CDK18: variants seen among roughly 807,000 people sequenced by gnomAD.
CDK18 encodes the protein cyclin-dependent kinase 18.
A neutral mutation model predicts 62.0 loss-of-function variants in CDK18; 52 were observed. The ratio of observed to expected loss-of-function variants is 0.84; its 90% confidence interval spans 0.67 to 1.06. The LOEUF (loss-of-function observed/expected upper bound fraction) is 1.06. Among genes scored for constraint, CDK18 ranks in the 50% least tolerant of loss-of-function variants. The probability of loss-of-function intolerance (pLI) is 0.00; values close to 1 mark genes in which losing one functional copy is unlikely to be tolerated. For synonymous variants in CDK18, 237 were observed against 247.0 expected (o/e 0.96, Z 0.38); for missense variants, 604 against 619.9 (o/e 0.97, Z 0.27).
intron 1 of CDK18, among the ~76,000 whole-genome samples, chr1:205,506,969 A>G (rs1015096597): frequency 6.6e-6 from 1 of 152,098 alleles, no homozygotes; most frequent in Non-Finnish European, 1.5e-5. Context: ...TTCAGGGTGC[A>G]TTTGCTTCCT....
intron 1 of CDK18, among the ~76,000 whole-genome samples, chr1:205,513,367 G>A (rs1379216494): frequency 2.0e-5 from 3 of 152,194 alleles, no homozygotes; most frequent in East Asian, 1.9e-4. Flanking sequence ...TGTTCTGTAC[G>A]CCCAGGACCA....
In CDK18 at chr1:205,523,173, C is replaced by A; in HGVS notation, c.6C>A (p.Ile2=). 1 of 1,609,840 alleles carries A rather than the reference C, an allele frequency of 6.2e-7. No individual in the cohort carries two copies. Among genetic ancestry groups the A allele is most frequent in the Non-Finnish European group, 8.5e-7 (1 of 1,177,550 alleles). ...ACCCGGCTGCCCAGTCCCTCATGATCATGAACAAGATGAAGAACTTTAAGC... is the reference window on the plus strand; with the variant it reads ...ACCCGGCTGCCCAGTCCCTCATGATAATGAACAAGATGAAGAACTTTAAGC... The part of the protein sequence containing the change: M[I]MNKMKNFKRR... The change falls in exon 2 of 16, where the codon ATC becomes ATA. Residue 2 remains isoleucine, a synonymous_variant. Transcript: ENST00000429964.
chr1:205,527,336 G>A lies in CDK18; in HGVS notation c.730-458G>A, dbSNP rs949672280. 5 of 210,882 alleles carry A rather than the reference G, an allele frequency of 2.4e-5. No individual in the cohort carries two copies. The highest frequency in any genetic ancestry group is 8.2e-5 in the South Asian group (1 of 12,238). The allele number at this position is 210,882 out of a possible 1,614,324, so 13.1% of individuals were successfully genotyped here. ...TCTACTAAAAATTGAAAAATTAGCC[G>A]GGCACAGTAGCGTGCACCCATAGTC... On this transcript the variant is annotated intron_variant, in intron 8 of 15. Transcript: ENST00000429964. This position sits in a 1 kb window ranked among gnomAD's most constrained non-coding sequence, Gnocchi z 4.1.
At chr1:205,505,671 G>A (rs1026587940) in intron 1 of CDK18, among the ~76,000 whole-genome samples, 1 of 152,178 alleles carries the variant, frequency 6.6e-6, no homozygotes, top group African/African-American at 2.4e-5. Flanking sequence ...TGTGGGGGGC[G>A]GGGATTCCCT....
intron 1 of CDK18, among the ~76,000 whole-genome samples, chr1:205,508,131 G>A (rs1042826844): frequency 6.6e-6 from 1 of 152,194 alleles, no homozygotes; most frequent in Non-Finnish European, 1.5e-5. Flanking sequence ...CCTGGTTCCA[G>A]GCCCACCTGA....
intron 4 of CDK18, 67 bp downstream of exon 4, chr1:205,524,424 G>A (rs1159709703): frequency 6.3e-7 from 1 of 1,578,814 alleles, no homozygotes; most frequent in African/African-American, 1.3e-5. Flanking sequence ...GGGCATATCA[G>A]TCCCAGCTGA....
At chr1:205,518,196 C>A (rs375012832) in intron 1 of CDK18, among the ~76,000 whole-genome samples, 1 of 152,334 alleles carries the variant, frequency 6.6e-6, no homozygotes, top group African/African-American at 2.4e-5. Flanking sequence ...CTCTTCCCTG[C>A]ATGAATTCCC....
At chr1:205,530,210 GT>G in intron 13 of CDK18, 48 bp from the exon 14 acceptor site, 1 of 1,604,592 alleles carries the variant, frequency 6.2e-7, no homozygotes. Flanking sequence ...TGCCCAGAGG[GT>G]TTGCAGCCCC....
Position 205,527,612 on chromosome 1 carries a change from C to A in CDK18, c.730-182C>A. 1 of 635,262 alleles carries A rather than the reference C, an allele frequency of 1.6e-6. No individual in the cohort carries two copies. The highest frequency in any genetic ancestry group is 1.9e-5 in the South Asian group (1 of 52,068). 39.4% of individuals were successfully genotyped at this position (635,262 alleles called of 1,614,324 possible). ...CTGCGTCCTCTGCACCCCTGCTGTC[C>A]TCCCCTCTGGATGGGATTCCCTGGT... On this transcript the variant is annotated intron_variant, in intron 8 of 15. Transcript: ENST00000429964. The surrounding 1 kb of genome is among the most constrained non-coding windows in gnomAD (Gnocchi z 4.1).
At position 205,528,829 on chromosome 1, in the gene CDK18, G is replaced by C. The variant is rs117464145; in HGVS notation, c.975-170G>C. Reference sequence around the variant, plus strand: ...AAGCCCCCCAGAGAGGGGCTGTAGTGGGGGCTGGGCAGTTCTAGGAGCCTC... The same window carrying C: ...AAGCCCCCCAGAGAGGGGCTGTAGTCGGGGCTGGGCAGTTCTAGGAGCCTC... On this transcript the variant is annotated intron_variant, in intron 10 of 15. Transcript: ENST00000429964. This position sits in a 1 kb window ranked among gnomAD's most constrained non-coding sequence, Gnocchi z 4.2. 2 of 497,820 alleles carry C rather than the reference G, an allele frequency of 4.0e-6. No homozygotes were observed. Among genetic ancestry groups the C allele is most frequent in the Non-Finnish European group, 7.2e-6 (2 of 279,654 alleles). 30.8% of individuals were successfully genotyped at this position (497,820 alleles called of 1,614,324 possible).
At chr1:205,529,495 C>T in intron 12 of CDK18, 26 bp from the exon 13 acceptor site, 1 of 1,608,752 alleles carries the variant, frequency 6.2e-7, no homozygotes. Flanking sequence ...TCAGGCACAG[C>T]CTGTGTCCGC....
At position 205,527,973 on chromosome 1, in the gene CDK18, G is replaced by C; in HGVS notation, c.853+56G>C. 2 of 1,613,094 alleles carry C rather than the reference G, an allele frequency of 1.2e-6. No homozygotes were observed. Among genetic ancestry groups the C allele is most frequent in the Non-Finnish European group, 1.7e-6 (2 of 1,179,246 alleles). ...GCTACTGGGGTGCCTCAGGGTGTGG[G>C]TGCAGTGGGGGAGGGCATAGCAGTC... On this transcript the variant is annotated intron_variant, in intron 9 of 15. Transcript: ENST00000429964. The surrounding 1 kb of genome is among the most constrained non-coding windows in gnomAD (Gnocchi z 4.1).
At chr1:205,530,486 C>G in intron 14 of CDK18, 137 bp downstream of exon 14, 1 of 1,186,530 alleles carries the variant, frequency 8.4e-7, no homozygotes, top group Non-Finnish European at 1.2e-6. Flanking sequence ...GCCTCCCCTG[C>G]TGGGGTTCTC....
In CDK18 at chr1:205,528,263, G is replaced by C; in HGVS notation, c.974+95G>C. 1 of 1,453,082 alleles carries C rather than the reference G, an allele frequency of 6.9e-7. No individual in the cohort carries two copies. The highest frequency in any genetic ancestry group is 9.4e-7 in the Non-Finnish European group (1 of 1,065,090). 90.0% of individuals were successfully genotyped at this position (1,453,082 alleles called of 1,614,324 possible). On this transcript the variant is annotated intron_variant, in intron 10 of 15. Coordinates refer to ENST00000429964, the MANE Select transcript of CDK18 (RefSeq NM_212502.3). The surrounding 1 kb of genome is among the most constrained non-coding windows in gnomAD (Gnocchi z 4.2). ...TCCCCAAGGGCCTCGGGGAAGAACT[G>C]CCTAACTTCCTTTGCCTAAAAGCCT...
intron 2 of CDK18, 76 bp downstream of exon 2, chr1:205,523,373 C>A (rs772199728): frequency 1.2e-6 from 2 of 1,604,180 alleles, no homozygotes; most frequent in South Asian, 2.2e-5. Context: ...CCCCGCCCAC[C>A]CCCTCCCCAC....
At chr1:205,529,752 C>CG in intron 13 of CDK18, 189 bp downstream of exon 13, 3 of 1,528,556 alleles carry the variant, frequency 2.0e-6, no homozygotes, top group Admixed American at 2.0e-5. Flanking sequence ...CTGTGCACTG[C>CG]GAGCCCAAAC....
At chr1:205,518,415 A>C (rs996602399) in intron 1 of CDK18, among the ~76,000 whole-genome samples, 63 of 152,342 alleles carry the variant, frequency 4.1e-4, no homozygotes, top group African/African-American at 1.4e-3. Context: ...GAGGGGTTTT[A>C]TCACGTCATT....
chr1:205,518,180 C>T (rs1388408111), intron 1 of CDK18, among the ~76,000 whole-genome samples: 3 of 152,202 alleles, frequency 2.0e-5, no homozygotes, highest in Non-Finnish European at 4.4e-5. Context: ...ACTTCCCACA[C>T]CTTCCCTCTT....
chr1:205,505,318 G>A (rs1359375801), intron 1 of CDK18, among the ~76,000 whole-genome samples: 1 of 152,174 alleles, frequency 6.6e-6, no homozygotes, highest in Non-Finnish European at 1.5e-5. Flanking sequence ...TTTCCAGAGC[G>A]GCAGGCAGGG....
Sources: allele counts gnomAD v4.1 joint callset (sites outside exome capture counted in the v4.1 genomes callset), GRCh38; gene constraint gnomAD v4.1.1; non-coding constraint Gnocchi (gnomAD v3.1); transcripts MANE v1.5; gene names NCBI Gene and HGNC (gene_info 2026-07-23, HGNC 2026-07-21).